Variants in DNAH14 observed in about 807,000 individuals in gnomAD.
DNAH14 encodes dynein axonemal heavy chain 14, also known as axonemal beta dynein heavy chain 14.
In DNAH14, 478 loss-of-function variants were observed where a neutral mutation model predicts 520.9. The observed-to-expected ratio is 0.92, with a 90% CI of 0.85 to 0.99. The LOEUF (loss-of-function observed/expected upper bound fraction) is 0.99. Ranked by LOEUF, DNAH14 falls within the 50% of genes least tolerant of loss-of-function variation. The pLI, the probability that DNAH14 is intolerant of heterozygous loss-of-function variation, is 0.00. For synonymous variants in DNAH14, 1,581 were observed against 1,757.2 expected, an observed-to-expected ratio of 0.90 and a Z score of 2.51; for missense variants, 4,831 against 5,234.5, an observed-to-expected ratio of 0.92 and a Z score of 2.38.
intron 65 of DNAH14, among the ~76,000 whole-genome samples, chr1:225,332,962 C>T (rs2094833909): frequency 1.3e-5 from 2 of 152,030 alleles, no homozygotes; most frequent in Non-Finnish European, 2.9e-5. Flanking sequence ...TGTGATTGTG[C>T]CACTGCACTC....
chr1:225,201,043 G>C (rs184708736), intron 38 of DNAH14, among the ~76,000 whole-genome samples: 44 of 151,748 alleles, frequency 2.9e-4, no homozygotes, highest in Admixed American at 2.6e-3. Context: ...TGGAGGCTTT[G>C]TTTATATTTT....
At chr1:225,301,602 C>T (rs765883084) in intron 56 of DNAH14, among the ~76,000 whole-genome samples, 3 of 152,078 alleles carry the variant, frequency 2.0e-5, no homozygotes, top group South Asian at 2.1e-4. Flanking sequence ...ACATGATGAC[C>T]GACCAGTGGC....
intron 72 of DNAH14, among the ~76,000 whole-genome samples, chr1:225,352,834 T>G (rs1050056788): frequency 6.6e-6 from 1 of 152,096 alleles, no homozygotes; most frequent in Non-Finnish European, 1.5e-5. Flanking sequence ...TAAACATTCT[T>G]GATTTCAAGT....
At chr1:224,941,313 T>C (rs1301825484) in intron 1 of DNAH14, among the ~76,000 whole-genome samples, 1 of 152,202 alleles carries the variant, frequency 6.6e-6, no homozygotes, top group East Asian at 1.9e-4. Flanking sequence ...TGCATAAATG[T>C]CTTCTTTTGA....
At chr1:225,279,538 A>G (rs1250837013) in intron 54 of DNAH14, among the ~76,000 whole-genome samples, 1 of 152,202 alleles carries the variant, frequency 6.6e-6, no homozygotes, top group Non-Finnish European at 1.5e-5. Flanking sequence ...TTCAAATGAG[A>G]TCAGTTTAAT....
chr1:225,042,919 G>A lies in DNAH14; in HGVS notation c.1573G>A (p.Ala525Thr). 4.5e-6 allele frequency: 7 copies of A among 1,551,652 alleles called. No homozygotes were observed. Among genetic ancestry groups the A allele is most frequent in the Non-Finnish European group, 6.1e-6 (7 of 1,146,964 alleles). The change falls in exon 13 of 86, where the codon GCT becomes ACT. Residue 525 changes from alanine to threonine, a missense_variant. Coordinates refer to ENST00000682510, the MANE Select transcript of DNAH14 (RefSeq NM_001367479.1). Reference sequence around the variant, plus strand: ...AGTAAATCTATGCTTGAGAATTCCTGCTGAGAGTGATTCTTCAGAAAATTC... The same window carrying A: ...AGTAAATCTATGCTTGAGAATTCCTACTGAGAGTGATTCTTCAGAAAATTC... ...FEVNLCLRIP[A>T]ESDSSENSKE... is the part of the protein sequence containing the mutation.
intron 8 of DNAH14, among the ~76,000 whole-genome samples, chr1:224,993,492 C>G (rs1390102446): frequency 6.6e-6 from 1 of 151,750 alleles, no homozygotes; most frequent in East Asian, 1.9e-4. Flanking sequence ...CATAATTGTT[C>G]ATAACAGCCT....
At chr1:225,283,879 G>A (rs567603109) in intron 54 of DNAH14, among the ~76,000 whole-genome samples, 20 of 152,176 alleles carry the variant, frequency 1.3e-4, no homozygotes, top group African/African-American at 4.8e-4. Context: ...CCAACAAAAG[G>A]AAAGTTGGGA....
chr1:224,943,522 C>G (rs912321751), intron 1 of DNAH14, among the ~76,000 whole-genome samples: 1 of 152,104 alleles, frequency 6.6e-6, no homozygotes, highest in Non-Finnish European at 1.5e-5. Flanking sequence ...TTAGTTATTT[C>G]TTGCCTTCTG....
At chr1:224,949,783 C>T (rs2060057153) in intron 1 of DNAH14, among the ~76,000 whole-genome samples, 1 of 152,078 alleles carries the variant, frequency 6.6e-6, no homozygotes, top group Admixed American at 6.6e-5. Flanking sequence ...TATATTTCAA[C>T]CTGTAGTTTG....
At chr1:224,978,960 A>C (rs1479524535) in intron 8 of DNAH14, among the ~76,000 whole-genome samples, 1 of 152,136 alleles carries the variant, frequency 6.6e-6, no homozygotes, top group Non-Finnish European at 1.5e-5. Flanking sequence ...GAGGATATTG[A>C]ATGTTATCAA....
chr1:225,390,228 T>C (rs1323082301), intron 83 of DNAH14, among the ~76,000 whole-genome samples: 2 of 152,174 alleles, frequency 1.3e-5, no homozygotes, highest in African/African-American at 2.4e-5. Flanking sequence ...CTTCACAAGA[T>C]TGACTCTGAG....
At position 225,232,133 on chromosome 1, in the gene DNAH14, G is replaced by T. The variant is rs2091185100; in HGVS notation, c.6518+982G>T. 6.6e-6 allele frequency among the ~76,000 whole-genome samples: 1 copy of T among 151,968 alleles called. No individual in the cohort carries two copies. Among genetic ancestry groups the T allele is most frequent in the African/African-American group, 2.4e-5 (1 of 41,394 alleles). ...TGTGTGTTTTTAACTTTAAATAAAT[G>T]AAATCATCCTGTATGATCTTCTGCC... is the stretch of plus-strand genomic sequence containing the variant. On this transcript the variant is annotated intron_variant, in intron 42 of 85. Transcript: ENST00000682510. The surrounding 1 kb of genome is among the most constrained non-coding windows in gnomAD (Gnocchi z 4.2).
chr1:225,077,972 A>C (rs1447601852), intron 17 of DNAH14, among the ~76,000 whole-genome samples: 1 of 152,220 alleles, frequency 6.6e-6, no homozygotes, highest in Non-Finnish European at 1.5e-5. Context: ...TGTAAAGATT[A>C]AAAATTGAAC....
intron 77 of DNAH14, among the ~76,000 whole-genome samples, chr1:225,373,146 G>A (rs550622860): frequency 1.4e-5 from 2 of 138,210 alleles, no homozygotes; most frequent in African/African-American, 5.2e-5. Flanking sequence ...TTGCGGCACA[G>A]TGTGTATGCT....
At position 224,960,313 on chromosome 1, in the gene DNAH14, T is replaced by C. The variant is rs1157030637; in HGVS notation, c.367+11T>C. The stretch of plus-strand genomic sequence containing the variant: ...CCTATGATAGAACAGGTATGTGGTA[T>C]CACTGAACCAATTGCTTAGAAATCA... On this transcript the variant is annotated intron_variant, in intron 4 of 85. Transcript: ENST00000682510. The C allele has an allele frequency of 1.9e-6, 3 of 1,545,912 alleles. No individual in the cohort carries two copies. The highest frequency in any genetic ancestry group is 1.7e-6 in the Non-Finnish European group (2 of 1,149,762).
chr1:224,950,775 C>T (rs2060117174), intron 1 of DNAH14, among the ~76,000 whole-genome samples: 2 of 152,186 alleles, frequency 1.3e-5, no homozygotes, highest in Admixed American at 1.3e-4. Context: ...AATTCACAAC[C>T]ACTTTAGTGA....
intron 78 of DNAH14, among the ~76,000 whole-genome samples, chr1:225,376,939 G>C (rs1489628337): frequency 6.6e-6 from 1 of 150,678 alleles, no homozygotes; most frequent in African/African-American, 2.4e-5. Context: ...CATTATCTAT[G>C]GGTGGTCAGA....
At chr1:225,123,941 T>C (rs7535962) in intron 27 of DNAH14, among the ~76,000 whole-genome samples, 19,068 of 151,470 alleles carry the variant, frequency 0.13, 3,693 homozygotes, top group African/African-American at 0.42. Context: ...TTAGTAGAGA[T>C]GGGGTTTTGT....
Sources: allele counts gnomAD v4.1 joint callset (sites outside exome capture counted in the v4.1 genomes callset), GRCh38; gene constraint gnomAD v4.1.1; non-coding constraint Gnocchi (gnomAD v3.1); transcripts MANE v1.5; gene names NCBI Gene and HGNC (gene_info 2026-07-23, HGNC 2026-07-21).